PPARGC1A: variants seen among roughly 807,000 people sequenced by gnomAD.
The protein encoded by PPARGC1A is peroxisome proliferator-activated receptor gamma coactivator 1-alpha.
PPARGC1A carries 25 observed loss-of-function variants against 88.7 expected under a neutral mutation model. The observed-to-expected ratio is 0.28, with a 90% CI of 0.21 to 0.39. PPARGC1A has a LOEUF of 0.39. PPARGC1A is among the 10% of genes least tolerant of loss of function. PPARGC1A has a pLI of 1.00. For synonymous variants in PPARGC1A, 363 were observed against 355.6 expected, an observed-to-expected ratio of 1.02 and a Z score of -0.24; for missense variants, 880 against 968.7, an observed-to-expected ratio of 0.91 and a Z score of 1.22.
chr4:23,892,197 T>G (rs1024281941), upstream of PPARGC1A, among the ~76,000 whole-genome samples: 1 of 152,324 alleles, frequency 6.6e-6, no homozygotes, highest in East Asian at 1.9e-4. Context: ...AGGGTTTTCT[T>G]ATTTTTTGCC....
chr4:24,354,726 A>C, the PPARGC1A span, among the ~76,000 whole-genome samples: 2 of 152,094 alleles, frequency 1.3e-5, no homozygotes, highest in African/African-American at 4.8e-5. Flanking sequence ...CTCTACTAAA[A>C]ATACAAAAAA....
At chr4:24,083,479 C>G in the PPARGC1A span, among the ~76,000 whole-genome samples, 1 of 152,162 alleles carries the variant, frequency 6.6e-6, no homozygotes, top group Admixed American at 6.5e-5. Flanking sequence ...CTTCCAGGTC[C>G]TGTTCACAAG....
the PPARGC1A span, among the ~76,000 whole-genome samples, chr4:24,343,913 T>G: frequency 2.1e-5 from 3 of 145,550 alleles, no homozygotes; most frequent in Non-Finnish European, 4.5e-5. Flanking sequence ...TCCCCCCAAG[T>G]CCACAAAGTC....
At chr4:24,036,395 T>C in the PPARGC1A span, among the ~76,000 whole-genome samples, 1 of 152,192 alleles carries the variant, frequency 6.6e-6, no homozygotes, top group Non-Finnish European at 1.5e-5. Context: ...CCTGGGTTTA[T>C]ATCCAAGAGA....
the PPARGC1A span, among the ~76,000 whole-genome samples, chr4:24,471,291 C>G: frequency 1.3e-5 from 2 of 151,938 alleles, no homozygotes; most frequent in African/African-American, 4.8e-5. This position sits in a 1 kb window ranked among gnomAD's most constrained non-coding sequence, Gnocchi z 5.4. Flanking sequence ...CCAACTTTCC[C>G]CAGCCCAGAC....
At chr4:24,233,658 G>A in the PPARGC1A span, among the ~76,000 whole-genome samples, 114,296 of 151,654 alleles carry the variant, frequency 0.75, 44,664 homozygotes, top group East Asian at 0.93. Flanking sequence ...ACTCCCATTT[G>A]AAAACCTTCC....
At chr4:23,965,283 A>AG in the PPARGC1A span, among the ~76,000 whole-genome samples, 2 of 152,180 alleles carry the variant, frequency 1.3e-5, no homozygotes, top group African/African-American at 4.8e-5. Flanking sequence ...CTTGTGTATC[A>AG]GTTCAATTTA....
At chr4:24,387,818 A>AAGAAAG in the PPARGC1A span, among the ~76,000 whole-genome samples, 1 of 81,076 alleles carries the variant, frequency 1.2e-5, no homozygotes, top group African/African-American at 4.8e-5. Context: ...GAAAGAAAGA[A>AAGAAAG]AGAAAGAGAG....
At chr4:24,469,385 C>T in the PPARGC1A span, among the ~76,000 whole-genome samples, 1 of 152,124 alleles carries the variant, frequency 6.6e-6, no homozygotes, top group Non-Finnish European at 1.5e-5. Context: ...TGTTGGAAAC[C>T]GCAAATCCTG....
the PPARGC1A span, among the ~76,000 whole-genome samples, chr4:24,106,274 C>T: frequency 2.4e-4 from 37 of 152,240 alleles, 1 homozygote; most frequent in African/African-American, 8.7e-4. Context: ...ATGAATTTCC[C>T]AGTCTTTTTT....
At chr4:24,010,475 C>T in the PPARGC1A span, among the ~76,000 whole-genome samples, 206 of 152,110 alleles carry the variant, frequency 1.4e-3, 1 homozygote, top group African/African-American at 4.5e-3. Context: ...TATTAAATGC[C>T]GACCATATTC....
the PPARGC1A span, among the ~76,000 whole-genome samples, chr4:24,004,148 T>A: frequency 6.6e-6 from 1 of 152,176 alleles, no homozygotes; most frequent in Non-Finnish European, 1.5e-5. Flanking sequence ...ATTCACGCCA[T>A]CTGTGTTGCT....
At chr4:23,824,241 AC>A (rs760058053) in intron 7 of PPARGC1A, 38 bp downstream of exon 7, 4 of 1,535,140 alleles carry the variant, frequency 2.6e-6, no homozygotes, top group Middle Eastern at 1.7e-4. Context: ...ACATATACAG[AC>A]AGACACACAC....
intron 10 of PPARGC1A, among the ~76,000 whole-genome samples, chr4:23,806,515 T>G (rs1408150269): frequency 6.6e-6 from 1 of 152,228 alleles, no homozygotes; most frequent in Non-Finnish European, 1.5e-5. Flanking sequence ...CTCTAAACCT[T>G]TGGAAACAGC....
At chr4:23,982,124 G>C in the PPARGC1A span, among the ~76,000 whole-genome samples, 1 of 152,280 alleles carries the variant, frequency 6.6e-6, no homozygotes, top group African/African-American at 2.4e-5. Context: ...TTCTGAGAGA[G>C]AATCTCCTCA....
At chr4:24,340,540 T>C in the PPARGC1A span, among the ~76,000 whole-genome samples, 9 of 152,188 alleles carry the variant, frequency 5.9e-5, no homozygotes, top group Admixed American at 2.6e-4. Context: ...ACCATAAAGA[T>C]AGATAAAACA....
the PPARGC1A span, among the ~76,000 whole-genome samples, chr4:24,071,568 C>T: frequency 6.6e-6 from 1 of 151,904 alleles, no homozygotes; most frequent in East Asian, 1.9e-4. Context: ...ATACTTTGCA[C>T]TGGTCTTTAA....
chr4:23,933,430 C>T, the PPARGC1A span, among the ~76,000 whole-genome samples: 126,377 of 152,206 alleles, frequency 0.83, 53,988 homozygotes, highest in South Asian at 0.94. Context: ...TTCTCTTCCC[C>T]ACCACACAAA....
the PPARGC1A span, among the ~76,000 whole-genome samples, chr4:24,081,912 A>T: frequency 6.6e-6 from 1 of 151,672 alleles, no homozygotes; most frequent in African/African-American, 2.4e-5. Flanking sequence ...TCATTTGTCC[A>T]TTGGTAATAA....
Sources: gnomAD v4.1 joint callset for allele counts (sites outside exome capture counted in the v4.1 genomes callset) on GRCh38, gnomAD v4.1.1 for gene constraint, Gnocchi (gnomAD v3.1) non-coding constraint, MANE v1.5 for transcripts, NCBI Gene and HGNC (gene_info 2026-07-23, HGNC 2026-07-21) for gene names.